DACT1: variants seen among roughly 807,000 people sequenced by gnomAD.
DACT1 encodes dishevelled binding antagonist of beta catenin 1, also known as dapper homolog 1.
DACT1 carries 19 observed loss-of-function variants against 35.3 expected under a neutral mutation model. That is an observed-to-expected ratio of 0.54 (90% CI 0.38 to 0.79). DACT1 has a LOEUF of 0.79. Among genes scored for constraint, DACT1 ranks in the 30% least tolerant of loss-of-function variants. The pLI, the probability that DACT1 is intolerant of heterozygous loss-of-function variation, is 0.00. For missense variants in DACT1, 1,143 were observed against 1,057.5 expected (o/e 1.08, Z -1.12); for synonymous variants, 545 against 466.7 (o/e 1.17, Z -2.16).
chr14:58,646,229 C>A lies in DACT1; in HGVS notation c.1495C>A (p.Pro499Thr). The change falls in exon 4 of 4, where the codon CCT becomes ACT. Residue 499 changes from proline (P) to threonine (T), a missense_variant. This residue lies in a region of DACT1 where 1,054 missense variants were observed against 958.8 expected (regional missense o/e 1.10). Coordinates refer to ENST00000395153, the MANE Select transcript of DACT1 (RefSeq NM_001079520.2). ...TACAGCTTTCCCCGTGGAAGAGAGGCCTGCCTTGGATTTCAAGAGCGAGGG... is the reference window on the plus strand; with the variant it reads ...TACAGCTTTCCCCGTGGAAGAGAGGACTGCCTTGGATTTCAAGAGCGAGGG... ...LSTAFPVEERPALDFKSEGSS... is the reference protein window; with the variant it reads ...LSTAFPVEERTALDFKSEGSS... The A allele has an allele frequency of 6.2e-7, 1 of 1,614,044 alleles. No homozygotes were observed. Among genetic ancestry groups the A allele is most frequent in the Non-Finnish European group, 8.5e-7 (1 of 1,179,968 alleles).
At position 58,646,181 on chromosome 14, in the gene DACT1, C is replaced by G; in HGVS notation, c.1447C>G (p.Pro483Ala). 6.2e-7 allele frequency: 1 copy of G among 1,613,692 alleles called. No individual in the cohort carries two copies. The change falls in exon 4 of 4, where the codon CCG (proline) becomes GCG (alanine). Residue 483 changes from proline to alanine, a missense_variant. Coordinates refer to ENST00000395153, the MANE Select transcript of DACT1 (RefSeq NM_001079520.2). ...SQKNSLQGVPPATPPLLSTAF... is the reference protein window; with the variant it reads ...SQKNSLQGVPAATPPLLSTAF... ...GAAAAACAGCCTGCAGGGCGTCCCC[C>G]CGGCCACTCCTCCCCTGCTGTCTAC...
At position 58,646,477 on chromosome 14, in the gene DACT1, G is replaced by A. The variant is rs2047684307; in HGVS notation, c.1743G>A (p.Leu581=). The A allele has an allele frequency of 6.4e-7, 1 of 1,569,678 alleles. No homozygotes were observed. Among genetic ancestry groups the A allele is most frequent in the African/African-American group, 1.4e-5 (1 of 72,560 alleles). The change falls in exon 4 of 4, where the codon TTG becomes TTA. Residue 581 remains leucine, a synonymous_variant. Coordinates refer to ENST00000395153, the MANE Select transcript of DACT1 (RefSeq NM_001079520.2). ...AGAAGTGTCGCTTCCCAGATGACTT[G>A]GATACAAATAAGAAACTCAAGAAAG... ...GSKKCRFPDD[L]DTNKKLKKAS...
rs771276119 is a variant in DACT1, at chr14:58,646,516, G to T, written c.1782G>T (p.Gly594=). ...AACTCAAGAAAGCCTCCTCCAAGGG[G>T]AGGAAGAGTGGGGGCGGGCCCGAGG... The part of the protein sequence containing the change: ...NKKLKKASSK[G]RKSGGGPEAG... The change falls in exon 4 of 4, where the codon GGG becomes GGT. Residue 594 remains glycine (G), a synonymous_variant. Coordinates refer to ENST00000395153, the MANE Select transcript of DACT1 (RefSeq NM_001079520.2). 6 of 1,559,790 alleles carry T rather than the reference G, an allele frequency of 3.8e-6. No homozygotes were observed. Among genetic ancestry groups the T allele is most frequent in the African/African-American group, 1.4e-5 (1 of 72,642 alleles).
chr14:58,646,087 G>C lies in DACT1; in HGVS notation c.1353G>C (p.Glu451Asp), dbSNP rs371581312. ...AGCTCTCAGGGGCCTCTCCAAAAGAGAGTCCTAGCAGAGGCCCTGCCCCGC... is the reference window on the plus strand; with the variant it reads ...AGCTCTCAGGGGCCTCTCCAAAAGACAGTCCTAGCAGAGGCCCTGCCCCGC... Reference protein sequence around the residue: ...SAQLSGASPKESPSRGPAPPQ... With the variant: ...SAQLSGASPKDSPSRGPAPPQ... The change falls in exon 4 of 4, where the codon GAG (glutamate) becomes GAC (aspartate). Residue 451 changes from glutamate to aspartate, a missense_variant. Around this residue, in one of 3 missense-constraint regions of DACT1, gnomAD observed 1,054 missense variants for 958.8 expected, o/e 1.10. Coordinates refer to ENST00000395153, the MANE Select transcript of DACT1 (RefSeq NM_001079520.2). The C allele has an allele frequency of 7.1e-5, 115 of 1,613,368 alleles. No individual in the cohort carries two copies. Among genetic ancestry groups the C allele is most frequent in the Admixed American group, 5.8e-4 (35 of 59,838 alleles).
At chr14:58,637,438 C>A (rs1054565492), upstream of DACT1, among the ~76,000 whole-genome samples, 4 of 152,262 alleles carry the variant, frequency 2.6e-5, no homozygotes, top group African/African-American at 9.6e-5. Context: ...AAGGAACCAA[C>A]CCCACAGTGT....
chr14:58,647,278 T>A lies in DACT1; in HGVS notation c.*144T>A, dbSNP rs2047702437. 1.0e-6 allele frequency: 1 copy of A among 984,082 alleles called. No individual in the cohort carries two copies. The highest frequency in any genetic ancestry group is 1.7e-5 in the African/African-American group (1 of 60,388). The allele number at this position is 984,082 out of a possible 1,614,324, so 61.0% of individuals were successfully genotyped here. Reference sequence around the variant, plus strand: ...TATAAAACCAAGGTAAATTATTGTTTCATCTTCACGTATGGATGCTAGTGC... The same window carrying A: ...TATAAAACCAAGGTAAATTATTGTTACATCTTCACGTATGGATGCTAGTGC... On this transcript the variant is annotated 3_prime_UTR_variant, in exon 4 of 4. Coordinates refer to ENST00000395153, the MANE Select transcript of DACT1 (RefSeq NM_001079520.2).
chr14:58,643,181 A>G (rs187925688), intron 3 of DACT1, among the ~76,000 whole-genome samples: 1 of 152,330 alleles, frequency 6.6e-6, no homozygotes, highest in East Asian at 1.9e-4. Flanking sequence ...GTTGTTTTCA[A>G]CCTTCTCATC....
intron 1 of DACT1, 122 bp downstream of exon 1, chr14:58,638,669 C>T (rs892312668): frequency 1.4e-5 from 17 of 1,215,182 alleles, no homozygotes; most frequent in Non-Finnish European, 1.7e-5. Flanking sequence ...TATGGGACGC[C>T]CCCGACCGCC....
chr14:58,639,887 A>G (rs374564195), intron 1 of DACT1, among the ~76,000 whole-genome samples: 1 of 152,218 alleles, frequency 6.6e-6, no homozygotes, highest in Non-Finnish European at 1.5e-5. Context: ...GTTTTGTGCA[A>G]TTGCACCTTT....
intron 3 of DACT1, chr14:58,645,156 C>T (rs2047660816): frequency 3.4e-6 from 3 of 871,370 alleles, no homozygotes; most frequent in East Asian, 2.6e-5. Flanking sequence ...TAATCCTTGG[C>T]AATCTCTTTT....
At position 58,646,658 on chromosome 14, in the gene DACT1, T is replaced by C. The variant is rs200977826; in HGVS notation, c.1924T>C (p.Trp642Arg). 857 of 1,610,318 alleles carry C rather than the reference T, an allele frequency of 5.3e-4. 2 individuals are homozygous for C. The highest frequency in any genetic ancestry group is 7.0e-4 in the Admixed American group (42 of 59,960). ...GCACAAGCGAACTGACTACCGGCGGTGGAAGTCCTCGGCCGAGATTTCCTA... is the reference window on the plus strand; with the variant it reads ...GCACAAGCGAACTGACTACCGGCGGCGGAAGTCCTCGGCCGAGATTTCCTA... ...PKHKRTDYRR[W>R]KSSAEISYEE... The change falls in exon 4 of 4, where the codon TGG becomes CGG. Residue 642 changes from tryptophan to arginine, a missense_variant. This residue lies in a region of DACT1 where 1,054 missense variants were observed against 958.8 expected (regional missense o/e 1.10). Transcript: ENST00000395153.
chr14:58,645,231 C>G, intron 3 of DACT1, 138 bp from the exon 4 acceptor site: 1 of 1,583,374 alleles, frequency 6.3e-7, no homozygotes, highest in South Asian at 1.1e-5. Flanking sequence ...TTCATTTCTT[C>G]AGAGTGTACC....
intron 3 of DACT1, among the ~76,000 whole-genome samples, chr14:58,644,148 TCAC>T (rs1160730389): frequency 6.6e-6 from 1 of 152,238 alleles, no homozygotes; most frequent in Non-Finnish European, 1.5e-5. Context: ...TTTATAATAT[TCAC>T]CAACTTAAGA....
At position 58,641,707 on chromosome 14, in the gene DACT1, G is replaced by A. The variant is rs757924168; in HGVS notation, c.594G>A (p.Glu198=). The change falls in exon 3 of 4, where the codon GAG becomes GAA. Residue 198 remains glutamate (E), a synonymous_variant. Transcript: ENST00000395153. ...HSSTCFCSPL[E]ATLSLSDGCP... ...GCACCTGCTTTTGCAGCCCCTTGGA[G>A]GCGACCTTGAGTCTCTCAGATGGTT... 4 of 1,614,190 alleles carry A rather than the reference G, an allele frequency of 2.5e-6. No homozygotes were observed. The highest frequency in any genetic ancestry group is 2.5e-6 in the Non-Finnish European group (3 of 1,180,042).
chr14:58,637,721 A>C (rs2047584196), upstream of DACT1, among the ~76,000 whole-genome samples: 1 of 147,116 alleles, frequency 6.8e-6, no homozygotes, highest in Admixed American at 6.7e-5. Flanking sequence ...AATCGGGTGC[A>C]GTAAACCCGA....
At chr14:58,644,345 A>AATCTTTTAAAATCTT (rs1436390609) in intron 3 of DACT1, among the ~76,000 whole-genome samples, 1 of 152,240 alleles carries the variant, frequency 6.6e-6, no homozygotes, top group African/African-American at 2.4e-5. Context: ...ACTACCACTC[A>AATCTTTTAAAATCTT]ATCTTTTAAA....
rs192645869 is a variant in DACT1, at chr14:58,648,221, C to T, written c.*1087C>T. On this transcript the variant is annotated 3_prime_UTR_variant, in exon 4 of 4. Transcript: ENST00000395153. ...ATAAACAGTATGTGTTTTTATATAT[C>T]ATTGTGTAAATTTAATATAACATAT... is the stretch of plus-strand genomic sequence containing the variant. 9.0e-4 allele frequency: 150 copies of T among 167,010 alleles called. No individual in the cohort carries two copies. Among genetic ancestry groups the T allele is most frequent in the Non-Finnish European group, 1.7e-3 (116 of 68,094 alleles). 10.3% of individuals were successfully genotyped at this position (167,010 alleles called of 1,614,324 possible). A position where few individuals can be genotyped will look rare whatever the true frequency, so the allele number is the denominator to read the frequency against.
At position 58,647,430 on chromosome 14, in the gene DACT1, C is replaced by T; in HGVS notation, c.*296C>T. 2.6e-6 allele frequency: 1 copy of T among 381,374 alleles called. No individual in the cohort carries two copies. Among genetic ancestry groups the T allele is most frequent in the Non-Finnish European group, 4.9e-6 (1 of 204,082 alleles). The allele number at this position is 381,374 out of a possible 1,614,324, so 23.6% of individuals were successfully genotyped here. On this transcript the variant is annotated 3_prime_UTR_variant, in exon 4 of 4. Transcript: ENST00000395153. ...AACTTTCTGAGCATCCGGCAAGGTA[C>T]AGGTTTTGATGTTCAAGTTTTATTG...
At position 58,641,886 on chromosome 14, in the gene DACT1, C is replaced by G. The variant is rs147305451; in HGVS notation, c.634+139C>G. 1,400 of 777,426 alleles carry G rather than the reference C, an allele frequency of 1.8e-3. 16 individuals are homozygous for G. In the African/African-American group the frequency reaches 0.021, roughly 12 times the overall value. The allele number at this position is 777,426 out of a possible 1,614,324, so 48.2% of individuals were successfully genotyped here. ...GCGGCATTTAGTGCCATACTTACAT[C>G]TAGAACTCAGTTTCATCTAGGTGAG... is the stretch of plus-strand genomic sequence containing the variant. On this transcript the variant is annotated intron_variant, in intron 3 of 3. Transcript: ENST00000395153.
Sources: gnomAD v4.1 joint callset for allele counts (sites outside exome capture counted in the v4.1 genomes callset) on GRCh38, gnomAD v4.1.1 for gene constraint, gnomAD v4.1.1 regional missense constraint, MANE v1.5 for transcripts, NCBI Gene and HGNC (gene_info 2026-07-23, HGNC 2026-07-21) for gene names.